Variants in DTNB observed in about 807,000 individuals in gnomAD.
DTNB encodes dystrobrevin beta, also known as DTN-B.
Under a neutral mutation model 90.7 loss-of-function variants are expected in DTNB, and 63 were observed. That is an observed-to-expected ratio of 0.69 (90% CI 0.57 to 0.86). The LOEUF (loss-of-function observed/expected upper bound fraction) is 0.86, where lower values mean the gene tolerates loss of function less well. Among genes scored for constraint, DTNB ranks in the 40% least tolerant of loss-of-function variants. The probability of loss-of-function intolerance (pLI) is 0.00; values close to 1 mark genes in which losing one functional copy is unlikely to be tolerated. For missense variants in DTNB, 744 were observed against 807.1 expected (o/e 0.92, Z 0.95); for synonymous variants, 277 against 286.7 (o/e 0.97, Z 0.34).
chr2:25,562,363 C>G (rs2058394923), intron 8 of DTNB, among the ~76,000 whole-genome samples: 1 of 152,158 alleles, frequency 6.6e-6, no homozygotes, highest in Non-Finnish European at 1.5e-5. Flanking sequence ...CACTTTTTAG[C>G]TCTTTGGAAT....
intron 12 of DTNB, among the ~76,000 whole-genome samples, chr2:25,443,122 A>C (rs760734300): frequency 6.6e-6 from 1 of 152,246 alleles, no homozygotes; most frequent in Admixed American, 6.5e-5. Context: ...TGCAACTGTT[A>C]GGTTGAATGG....
intron 12 of DTNB, among the ~76,000 whole-genome samples, chr2:25,444,929 C>T (rs1349890353): frequency 6.6e-6 from 1 of 152,138 alleles, no homozygotes; most frequent in African/African-American, 2.4e-5. Context: ...TATAAGATAA[C>T]TACACTCTGC....
At chr2:25,565,262 G>A (rs1003542596) in intron 8 of DTNB, among the ~76,000 whole-genome samples, 5 of 152,020 alleles carry the variant, frequency 3.3e-5, no homozygotes, top group Non-Finnish European at 7.4e-5. Context: ...AAGAGACAGG[G>A]TCTCACTCTG....
At chr2:25,592,665 C>T (rs2063789052) in intron 6 of DTNB, among the ~76,000 whole-genome samples, 1 of 151,956 alleles carries the variant, frequency 6.6e-6, no homozygotes, top group African/African-American at 2.4e-5. Context: ...AAAAGCATTT[C>T]TGCTGTAATG....
intron 12 of DTNB, among the ~76,000 whole-genome samples, chr2:25,443,223 GC>G (rs1212879666): frequency 1.3e-5 from 2 of 152,266 alleles, no homozygotes; most frequent in African/African-American, 4.8e-5. Flanking sequence ...AAGAATGAAG[GC>G]TCCAGACTGG....
chr2:25,636,196 A>C (rs1294973356), intron 3 of DTNB, among the ~76,000 whole-genome samples: 1 of 152,224 alleles, frequency 6.6e-6, no homozygotes, highest in Non-Finnish European at 1.5e-5. Context: ...ATGAATAAGC[A>C]TGAGAAGACT....
At chr2:25,584,364 A>T (rs991269541) in intron 6 of DTNB, among the ~76,000 whole-genome samples, 1 of 152,214 alleles carries the variant, frequency 6.6e-6, no homozygotes, top group African/African-American at 2.4e-5. Flanking sequence ...GATTGAATGG[A>T]TAAGCAAACA....
At chr2:25,611,580 C>T (rs2068624963) in intron 4 of DTNB, among the ~76,000 whole-genome samples, 1 of 152,194 alleles carries the variant, frequency 6.6e-6, no homozygotes, top group African/African-American at 2.4e-5. Flanking sequence ...GCCAAGGGTA[C>T]TGGCAATGCT....
intron 8 of DTNB, among the ~76,000 whole-genome samples, chr2:25,543,297 T>G (rs1212233684): frequency 1.4e-5 from 2 of 144,798 alleles, no homozygotes; most frequent in African/African-American, 2.7e-5. Flanking sequence ...GACAGGTTTT[T>G]TTTGTTTTGT....
intron 10 of DTNB, among the ~76,000 whole-genome samples, chr2:25,456,330 C>T (rs917308712): frequency 6.6e-6 from 1 of 152,186 alleles, no homozygotes; most frequent in Non-Finnish European, 1.5e-5. Context: ...CCTGGGAATA[C>T]TTGAGCCTGT....
chr2:25,554,083 C>T (rs889325741), intron 8 of DTNB, among the ~76,000 whole-genome samples: 21 of 151,974 alleles, frequency 1.4e-4, no homozygotes, highest in Admixed American at 1.1e-3. Flanking sequence ...CCTTGAAATA[C>T]GAATAACTGC....
chr2:25,507,203 T>C (rs1472446638), intron 9 of DTNB, among the ~76,000 whole-genome samples: 3 of 152,228 alleles, frequency 2.0e-5, no homozygotes, highest in Non-Finnish European at 4.4e-5. Flanking sequence ...CAGTCTATAA[T>C]GCTTTTCATT....
intron 16 of DTNB, chr2:25,399,388 G>C (rs1267695411): frequency 7.7e-6 from 1 of 130,192 alleles, no homozygotes. Context: ...CTGTTTCCCA[G>C]GCTAGAGCAC....
intron 8 of DTNB, chr2:25,558,077 G>A (rs940280101): frequency 2.1e-5 from 9 of 434,180 alleles, no homozygotes; most frequent in Admixed American, 6.4e-5. Flanking sequence ...AGAGAATGCC[G>A]GGGAGCACAG....
chr2:25,450,593 T>C (rs563023520), intron 12 of DTNB, among the ~76,000 whole-genome samples: 15 of 152,346 alleles, frequency 9.8e-5, no homozygotes, highest in Admixed American at 2.0e-4. Flanking sequence ...AAAAGCCTGT[T>C]GAGATTTGAA....
At chr2:25,553,128 T>C (rs1338812713) in intron 8 of DTNB, among the ~76,000 whole-genome samples, 1 of 151,940 alleles carries the variant, frequency 6.6e-6, no homozygotes, top group Admixed American at 6.6e-5. Flanking sequence ...CCAGTTGATA[T>C]TTTTTTAAGA....
intron 5 of DTNB, among the ~76,000 whole-genome samples, chr2:25,606,752 AT>A (rs1559208353): frequency 6.6e-6 from 1 of 152,252 alleles, no homozygotes; most frequent in South Asian, 2.1e-4. Context: ...GATAACAGGA[AT>A]TTTTTTAAAA....
At chr2:25,475,729 G>C (rs1045543635) in intron 10 of DTNB, among the ~76,000 whole-genome samples, 3 of 152,222 alleles carry the variant, frequency 2.0e-5, no homozygotes, top group African/African-American at 7.2e-5. Context: ...GGCTAATGCA[G>C]CTGGTGACTT....
chr2:25,634,537 C>A (rs2076699440), intron 3 of DTNB, among the ~76,000 whole-genome samples: 1 of 146,924 alleles, frequency 6.8e-6, no homozygotes, highest in South Asian at 2.2e-4. Flanking sequence ...TGCCCGGCCA[C>A]CACCCCGTCT....
Sources: gnomAD v4.1 joint callset for allele counts (sites outside exome capture counted in the v4.1 genomes callset) on GRCh38, gnomAD v4.1.1 for gene constraint, MANE v1.5 for transcripts, NCBI Gene and HGNC (gene_info 2026-07-23, HGNC 2026-07-21) for gene names.